SATL1: variants seen among roughly 807,000 people sequenced by gnomAD.
The protein encoded by SATL1 is spermidine/spermine N1-acetyl transferase like 1.
In SATL1, 47 loss-of-function variants were observed where a neutral mutation model predicts 51.8. The observed-to-expected ratio is 0.91, with a 90% CI of 0.72 to 1.16. The LOEUF is 1.16. SATL1 is among the 50% of genes most tolerant of loss of function. SATL1 has a pLI of 0.00. For missense variants in SATL1, 520 were observed against 526.4 expected (o/e 0.99, Z 0.12); for synonymous variants, 176 against 182.4 (o/e 0.97, Z 0.28).
intron 2 of SATL1, among the ~76,000 whole-genome samples, chrX:85,135,732 C>G (rs1370686759): frequency 9.3e-6 from 1 of 107,728 alleles, no homozygotes; most frequent in Non-Finnish European, 1.9e-5. Flanking sequence ...CACTCACCAC[C>G]GTGCTCGAGT....
intron 1 of SATL1, among the ~76,000 whole-genome samples, chrX:85,226,041 T>A (rs1928272650): frequency 9.0e-6 from 1 of 110,623 alleles, no homozygotes; most frequent in Non-Finnish European, 1.9e-5. Context: ...TTTATCTCTG[T>A]TTACTTCAGT....
chrX:85,207,426 A>G (rs891326008), intron 2 of SATL1: 1 of 111,612 alleles, frequency 9.0e-6, no homozygotes, highest in Non-Finnish European at 1.9e-5. Context: ...TGTGCACAAC[A>G]TTTCTGATCT....
In SATL1 at chrX:85,167,790, A is replaced by G. The variant is rs6617038; in HGVS notation, c.-313+56415T>C. Among the ~76,000 whole-genome samples the G allele has an allele frequency of 0.022, 2,433 of 111,266 alleles. 150 individuals are homozygous for G. In the East Asian group the frequency reaches 0.31, roughly 14 times the overall value. Reference sequence around the variant, plus strand: ...GAGGGACTCATTCTATGAGGCTAGCATCATCCTGATACCAAAACTTGGCAG... The same window carrying G: ...GAGGGACTCATTCTATGAGGCTAGCGTCATCCTGATACCAAAACTTGGCAG... On this transcript the variant is annotated intron_variant, in intron 2 of 7. Transcript: ENST00000644105.
chrX:85,125,613 A>G (rs5968458), intron 2 of SATL1, among the ~76,000 whole-genome samples: 53,392 of 107,045 alleles, frequency 0.5, 11,243 homozygotes, highest in Middle Eastern at 0.69. Context: ...GGTAGATACA[A>G]CTTATAAACT....
At chrX:85,176,319 T>C (rs759689572) in intron 2 of SATL1, among the ~76,000 whole-genome samples, 8 of 111,832 alleles carry the variant, frequency 7.2e-5, no homozygotes, top group Non-Finnish European at 1.5e-4. Context: ...CAATTACAAA[T>C]GCATATATCA....
chrX:85,164,909 A>G (rs1299280984), intron 2 of SATL1, among the ~76,000 whole-genome samples: 1 of 110,142 alleles, frequency 9.1e-6, no homozygotes, highest in Admixed American at 9.7e-5. Flanking sequence ...TTTTTAACAG[A>G]GACGGGCTTT....
intron 2 of SATL1, among the ~76,000 whole-genome samples, chrX:85,205,631 A>T (rs760201027): frequency 8.9e-6 from 1 of 112,274 alleles, no homozygotes; most frequent in Non-Finnish European, 1.9e-5. Context: ...AATGGGCTTG[A>T]TGTTTTCAAA....
rs1221588163 is a variant in SATL1 at position 85,143,909 on chromosome X, A to G, written c.-312-34629T>C. 2.7e-5 allele frequency among the ~76,000 whole-genome samples: 3 copies of G among 111,974 alleles called. No homozygotes were observed. The Admixed American group carries it at 2.9e-4, about 11-fold the overall frequency. On this transcript the variant is annotated intron_variant, in intron 2 of 7. Coordinates refer to ENST00000644105, the MANE Select transcript of SATL1 (RefSeq NM_001367857.2). ...ATTTTCAATCGGCAATGTATTCAAT[A>G]CAAATATGTACTTACATGATATAAT...
intron 2 of SATL1, among the ~76,000 whole-genome samples, chrX:85,206,084 A>AT (rs1927785322): frequency 8.9e-6 from 1 of 111,826 alleles, no homozygotes; most frequent in Non-Finnish European, 1.9e-5. Context: ...GTGAGAAAGG[A>AT]TAAAAAATTT....
intron 2 of SATL1, among the ~76,000 whole-genome samples, chrX:85,119,185 C>T (rs756992175): frequency 1.9e-4 from 21 of 111,478 alleles, no homozygotes; most frequent in African/African-American, 6.5e-4. Flanking sequence ...AGAGAAGCTA[C>T]AGTCCCTGGG....
chrX:85,104,847 C>T (rs1354232980), intron 3 of SATL1, among the ~76,000 whole-genome samples: 1 of 111,545 alleles, frequency 9.0e-6, no homozygotes, highest in Non-Finnish European at 1.9e-5. Flanking sequence ...AGAAAAAAGT[C>T]TGTACATGTT....
intron 2 of SATL1, among the ~76,000 whole-genome samples, chrX:85,175,414 A>G (rs1287694800): frequency 8.9e-6 from 1 of 111,906 alleles, no homozygotes; most frequent in Admixed American, 9.5e-5. Context: ...GACTCAAAAT[A>G]CAGCAACCAT....
At chrX:85,100,956 C>T (rs1030152918) in intron 4 of SATL1, among the ~76,000 whole-genome samples, 2 of 111,753 alleles carry the variant, frequency 1.8e-5, no homozygotes, top group Admixed American at 9.5e-5. Context: ...GGAAAAGGAC[C>T]GTCTTTTCAA....
chrX:85,236,319 T>G (rs1676487789), intron 1 of SATL1, among the ~76,000 whole-genome samples: 1 of 111,342 alleles, frequency 9.0e-6, no homozygotes, highest in Admixed American at 9.6e-5. Flanking sequence ...AGGGAATGAA[T>G]ACTTCTGAAC....
intron 2 of SATL1, among the ~76,000 whole-genome samples, chrX:85,217,262 T>C (rs1310655379): frequency 9.0e-6 from 1 of 111,175 alleles, no homozygotes; most frequent in Non-Finnish European, 1.9e-5. Flanking sequence ...GCAGTGTGTG[T>C]ATCAGTATTA....
intron 1 of SATL1, among the ~76,000 whole-genome samples, chrX:85,227,842 A>G (rs1928305941): frequency 8.9e-6 from 1 of 111,861 alleles, no homozygotes; most frequent in Admixed American, 9.5e-5. Flanking sequence ...GTCTGGACAT[A>G]TAATAATATT....
At chrX:85,094,027 TTAAC>T (rs1443433684) in intron 6 of SATL1, 97 bp downstream of exon 6, 3 of 433,379 alleles carry the variant, frequency 6.9e-6, no homozygotes, top group South Asian at 4.9e-5. Flanking sequence ...ATAAGTTACA[TTAAC>T]TAAAACACCG....
chrX:85,108,009 G>A lies in SATL1; in HGVS notation c.960C>T (p.Gly320=). The A allele has an allele frequency of 8.3e-7, 1 of 1,211,640 alleles. No individual in the cohort carries two copies. The highest frequency in any genetic ancestry group is 1.1e-6 in the Non-Finnish European group (1 of 895,535). Residue 320 remains glycine (G), a synonymous_variant, in exon 3 of 8, where the codon GGC becomes GGT. Transcript: ENST00000644105. ...GTTGGCTCCTACCTAATTGCCATGT[G>A]CCTGGTTGTTTCATGCCAGGTTGGT... ...DINQPGMKQP[G]TWQLGRSQPG... is the part of the protein sequence containing the mutation.
chrX:85,209,286 G>T (rs1352672556), intron 2 of SATL1: 2 of 111,861 alleles, frequency 1.8e-5, no homozygotes, highest in Non-Finnish European at 3.8e-5. Context: ...AAGCCTTGTA[G>T]TATAGCTTGA....
Sources: gnomAD v4.1 joint callset for allele counts (sites outside exome capture counted in the v4.1 genomes callset) on GRCh38, gnomAD v4.1.1 for gene constraint, MANE v1.5 for transcripts, NCBI Gene and HGNC (gene_info 2026-07-23, HGNC 2026-07-21) for gene names.